SMG6: variants seen among roughly 807,000 people sequenced by gnomAD.
SMG6 encodes SMG6 nonsense mediated mRNA decay factor.
In SMG6, 66 loss-of-function variants were observed where a neutral mutation model predicts 142.2. The observed-to-expected ratio is 0.46, with a 90% confidence interval of 0.38 to 0.57. The LOEUF is 0.57. Ranked by LOEUF, SMG6 falls within the 20% of genes least tolerant of loss-of-function variation. The pLI is 0.00. For missense variants in SMG6, 1,793 were observed against 1,832.0 expected, an observed-to-expected ratio of 0.98 and a Z score of 0.39; for synonymous variants, 779 against 702.4, an observed-to-expected ratio of 1.11 and a Z score of -1.72.
At chr17:2,104,884 T>TTG (rs1280962533) in intron 13 of SMG6, among the ~76,000 whole-genome samples, 2 of 152,028 alleles carry the variant, frequency 1.3e-5, no homozygotes, top group African/African-American at 2.4e-5. Context: ...TAATGGCACT[T>TTG]TCACAAAGAG....
chr17:2,066,310 A>C (rs1008083876), intron 16 of SMG6, among the ~76,000 whole-genome samples: 4 of 147,766 alleles, frequency 2.7e-5, no homozygotes, highest in Non-Finnish European at 5.9e-5. Flanking sequence ...GTGTACATGT[A>C]TGTGTGTGTG....
chr17:2,218,376 C>T (rs1270341011), intron 10 of SMG6, among the ~76,000 whole-genome samples: 1 of 151,994 alleles, frequency 6.6e-6, no homozygotes, highest in Non-Finnish European at 1.5e-5. Context: ...GGTGAAATCC[C>T]GTCTCTACTA....
intron 10 of SMG6, among the ~76,000 whole-genome samples, chr17:2,190,636 G>A (rs2072130325): frequency 6.6e-6 from 1 of 152,158 alleles, no homozygotes; most frequent in African/African-American, 2.4e-5. Flanking sequence ...TTTTCTAAAG[G>A]CTCCTGCAAT....
rs1434907117 is a variant in SMG6 at position 2,236,560 on chromosome 17, A to G, written c.2801T>C (p.Ile934Thr). ...AAGCTGCAGCATGCGGGTACTTCCA[A>G]TGGGAGAGGGGCTGTGCTGCAGTAA... ...QVLLQHSPSPIGSTRMLQLMT... is the reference protein window; with the variant it reads ...QVLLQHSPSPTGSTRMLQLMT... The change falls in exon 10 of 19, where the codon ATT (isoleucine) becomes ACT (threonine). Residue 934 changes from isoleucine to threonine, a missense_variant. By Grantham distance (89) the Ile-to-Thr change is moderately conservative (BLOSUM62 -1). This residue lies in a region of SMG6 where 1,597 missense variants were observed against 1,584.6 expected (regional missense o/e 1.01). Coordinates refer to ENST00000263073, the MANE Select transcript of SMG6 (RefSeq NM_017575.5). 3 of 1,613,636 alleles carry G rather than the reference A, an allele frequency of 1.9e-6. No homozygotes were observed. Among genetic ancestry groups the G allele is most frequent in the African/African-American group, 2.7e-5 (2 of 74,868 alleles).
In SMG6 at chr17:2,300,275, C is replaced by A. The variant is rs534508150; in HGVS notation, c.478G>T (p.Ala160Ser). 5.3e-5 allele frequency: 86 copies of A among 1,614,160 alleles called. No individual in the cohort carries two copies. In the South Asian group the frequency reaches 9.0e-4, roughly 17 times the overall value. Reference sequence around the variant, plus strand: ...ACTTCTTCCTCCTCCACCCGACTGGCGGATTCTTTGCTAACAGTCTGCAAA... The same window carrying A: ...ACTTCTTCCTCCTCCACCCGACTGGAGGATTCTTTGCTAACAGTCTGCAAA... ...RRLQTVSKES[A>S]SRVEEEEVLN... The change falls in exon 2 of 19, where the codon GCC becomes TCC. Residue 160 changes from alanine (A) to serine (S), a missense_variant. Coordinates refer to ENST00000263073, the MANE Select transcript of SMG6 (RefSeq NM_017575.5).
At chr17:2,262,686 A>G (rs1029252940) in intron 8 of SMG6, among the ~76,000 whole-genome samples, 1 of 152,182 alleles carries the variant, frequency 6.6e-6, no homozygotes, top group South Asian at 2.1e-4. Flanking sequence ...TCCAGTGTAT[A>G]TATTTCTATT....
chr17:2,186,219 T>C (rs975101768), intron 12 of SMG6, among the ~76,000 whole-genome samples: 2 of 146,262 alleles, frequency 1.4e-5, no homozygotes, highest in African/African-American at 5.1e-5. Flanking sequence ...ATCATGCCAC[T>C]GCACTCCAGC....
At chr17:2,139,675 T>C (rs2070414906) in intron 13 of SMG6, among the ~76,000 whole-genome samples, 1 of 151,764 alleles carries the variant, frequency 6.6e-6, no homozygotes, top group African/African-American at 2.4e-5. Context: ...TCTGCCTTGG[T>C]TCCCAAAGTG....
intron 1 of SMG6, 74 bp downstream of exon 1, chr17:2,303,557 CGG>C: frequency 1.5e-6 from 2 of 1,346,506 alleles, no homozygotes; most frequent in Non-Finnish European, 1.9e-6. Flanking sequence ...GAGGGCCGAG[CGG>C]GGAGGAGGCA....
At chr17:2,271,714 CA>C (rs978851377) in intron 8 of SMG6, among the ~76,000 whole-genome samples, 1 of 150,154 alleles carries the variant, frequency 6.7e-6, no homozygotes, top group Admixed American at 6.6e-5. Flanking sequence ...GACTCCGTCT[CA>C]AAAAAAATAA....
At chr17:2,101,988 A>G (rs1001574109) in intron 13 of SMG6, among the ~76,000 whole-genome samples, 5 of 152,166 alleles carry the variant, frequency 3.3e-5, no homozygotes, top group Non-Finnish European at 7.4e-5. Flanking sequence ...GCAGCCTCTC[A>G]GAGCTGATTT....
At chr17:2,243,421 C>A (rs1208347445) in intron 9 of SMG6, among the ~76,000 whole-genome samples, 3 of 152,214 alleles carry the variant, frequency 2.0e-5, no homozygotes, top group Admixed American at 1.3e-4. Context: ...TGGTTCACGG[C>A]TGTAATCCCA....
At chr17:2,081,128 C>T (rs1342176212) in intron 15 of SMG6, among the ~76,000 whole-genome samples, 1 of 152,122 alleles carries the variant, frequency 6.6e-6, no homozygotes, top group Non-Finnish European at 1.5e-5. Context: ...TTGATGCTTC[C>T]CTATGCACAC....
rs752720784 is a variant in SMG6, at chr17:2,300,669, T to C, written c.89-5A>G. The stretch of plus-strand genomic sequence containing the variant: ...CCTTTAATTCCTTCATGTTTTCTGT[T>C]ATGTCGGGGAAAGAGTTTGGGAGGG... On this transcript the variant is annotated splice_polypyrimidine_tract_variant and splice_region_variant and intron_variant, in intron 1 of 18. Transcript: ENST00000263073. 6.4e-6 allele frequency: 10 copies of C among 1,565,288 alleles called. No homozygotes were observed. The highest frequency in any genetic ancestry group is 2.0e-5 in the Admixed American group (1 of 49,464).
chr17:2,221,751 T>C (rs576172393), intron 10 of SMG6, among the ~76,000 whole-genome samples: 11 of 152,342 alleles, frequency 7.2e-5, no homozygotes, highest in Admixed American at 1.3e-4. Context: ...TGACAGATTA[T>C]TCTTTTTTTT....
chr17:2,128,344 G>A (rs1396155197), intron 13 of SMG6, among the ~76,000 whole-genome samples: 2 of 152,170 alleles, frequency 1.3e-5, no homozygotes, highest in Non-Finnish European at 2.9e-5. Flanking sequence ...AGGTAGACCA[G>A]CCGCATTTCA....
At chr17:2,159,557 C>T (rs968515700) in intron 13 of SMG6, among the ~76,000 whole-genome samples, 3 of 152,294 alleles carry the variant, frequency 2.0e-5, no homozygotes, top group East Asian at 3.9e-4. Context: ...GCAACTAGAA[C>T]GCTCACATAT....
intron 10 of SMG6, among the ~76,000 whole-genome samples, chr17:2,220,886 T>C (rs1280178326): frequency 6.6e-6 from 1 of 152,234 alleles, no homozygotes; most frequent in African/African-American, 2.4e-5. Context: ...GTTTCTACTT[T>C]ACCTTTTTTA....
In SMG6 at chr17:2,097,145, TTTTTC is replaced by T. The variant is rs368044573; in HGVS notation, c.3358-11249_3358-11245del. Among the ~76,000 whole-genome samples the T allele has an allele frequency of 1.4e-3, 214 of 151,520 alleles. 1 individual carries two copies. The highest frequency in any genetic ancestry group is 4.3e-3 in the African/African-American group (177 of 41,020). On this transcript the variant is annotated intron_variant, in intron 13 of 18. Coordinates refer to ENST00000263073, the MANE Select transcript of SMG6 (RefSeq NM_017575.5). ...TACTTAACATTGAAGAAATATATAA[TTTTTC>T]TTTTCTTTTCTTTTTTTTTTTTAGA...
Sources: gnomAD v4.1 joint callset for allele counts (sites outside exome capture counted in the v4.1 genomes callset) on GRCh38, gnomAD v4.1.1 for gene constraint, gnomAD v4.1.1 regional missense constraint, MANE v1.5 for transcripts, NCBI Gene and HGNC (gene_info 2026-07-23, HGNC 2026-07-21) for gene names.